MTOR: variants seen among roughly 807,000 people sequenced by gnomAD.
MTOR encodes the protein mechanistic target of rapamycin kinase.
A neutral mutation model predicts 319.8 loss-of-function variants in MTOR; 70 were observed. That is an observed-to-expected ratio of 0.22 (90% CI 0.18 to 0.27). The LOEUF is 0.27. Among genes scored for constraint, MTOR ranks in the 10% least tolerant of loss-of-function variants. The probability of loss-of-function intolerance (pLI) is 1.00; values close to 1 mark genes in which losing one functional copy is unlikely to be tolerated. For synonymous variants in MTOR, 1,183 were observed against 1,211.4 expected (o/e 0.98, Z 0.49); for missense variants, 1,890 against 3,274.4 (o/e 0.58, Z 10.32).
chr1:11,212,332 C>T lies in MTOR; in HGVS notation c.3541G>A (p.Val1181Ile), dbSNP rs1274311146. 1 of 1,613,684 alleles carries T rather than the reference C, an allele frequency of 6.2e-7. No individual in the cohort carries two copies. The highest frequency in any genetic ancestry group is 8.5e-7 in the Non-Finnish European group (1 of 1,179,868). The change falls in exon 23 of 58, where the codon GTT becomes ATT. Residue 1181 changes from valine to isoleucine, a missense_variant. Coordinates refer to ENST00000361445, the MANE Select transcript of MTOR (RefSeq NM_004958.4). The surrounding 1 kb of genome is among the most constrained non-coding windows in gnomAD (Gnocchi z 4.1). ...STAMDTLSSLVFQLGKKYQIF... is the reference protein window; with the variant it reads ...STAMDTLSSLIFQLGKKYQIF... The stretch of plus-strand genomic sequence containing the variant: ...CTTACCTTCTTCCCCAGCTGAAAAA[C>T]AAGTGAAGACAGCGTGTCCATGGCT...
chr1:11,109,472 G>T lies in MTOR; in HGVS notation c.7448-102C>A. On this transcript the variant is annotated intron_variant, in intron 55 of 57. Coordinates refer to ENST00000361445, the MANE Select transcript of MTOR (RefSeq NM_004958.4). The surrounding 1 kb of genome is among the most constrained non-coding windows in gnomAD (Gnocchi z 4.0). ...AAATATTCACTTTTGTAAGTGTTAA[G>T]CAATCCTTCCTCTATGTCCGTCTTT... 1 of 1,262,214 alleles carries T rather than the reference G, an allele frequency of 7.9e-7. No homozygotes were observed. Among genetic ancestry groups the T allele is most frequent in the Non-Finnish European group, 1.1e-6 (1 of 875,844 alleles). 78.2% of individuals were successfully genotyped at this position (1,262,214 alleles called of 1,614,324 possible).
At chr1:11,138,046 C>A (rs772453780) in intron 36 of MTOR, among the ~76,000 whole-genome samples, 7 of 152,160 alleles carry the variant, frequency 4.6e-5, no homozygotes, top group Admixed American at 1.3e-4. Flanking sequence ...AGAATTTGGG[C>A]TACTAAGAAA....
intron 18 of MTOR, 104 bp downstream of exon 18, chr1:11,230,821 T>A (rs1046072576): frequency 5.3e-6 from 8 of 1,496,236 alleles, no homozygotes; most frequent in Admixed American, 1.8e-5. Flanking sequence ...CGAGCCAATA[T>A]CCTATAATTT....
intron 29 of MTOR, among the ~76,000 whole-genome samples, chr1:11,163,896 A>T (rs2100594712): frequency 6.6e-6 from 1 of 152,318 alleles, no homozygotes; most frequent in African/African-American, 2.4e-5. Flanking sequence ...GAGCAAACAC[A>T]TTCAAAAGCT....
In MTOR at chr1:11,122,918, A is replaced by G. The variant is rs200168484; in HGVS notation, c.6663-792T>C. Among the ~76,000 whole-genome samples the G allele has an allele frequency of 1.4e-4, 21 of 152,362 alleles. No individual in the cohort carries two copies. The East Asian group carries it at 3.9e-3, about 28-fold the overall frequency. On this transcript the variant is annotated intron_variant, in intron 47 of 57. Transcript: ENST00000361445. The stretch of plus-strand genomic sequence containing the variant: ...CAGAAAGACAGTGCACTGATGGTGC[A>G]GTGAAAGCAACACAGGTCTCCTCAA...
chr1:11,227,837 T>C (rs1020258174), intron 19 of MTOR, among the ~76,000 whole-genome samples: 1 of 152,084 alleles, frequency 6.6e-6, no homozygotes, highest in African/African-American at 2.4e-5. Flanking sequence ...GGAAGGTAGC[T>C]GAGGAACAGG....
intron 28 of MTOR, among the ~76,000 whole-genome samples, chr1:11,170,962 C>T (rs113403789): frequency 0.03 from 4,589 of 151,702 alleles, 210 homozygotes; most frequent in Admixed American, 0.071. Flanking sequence ...AAACTGAGGC[C>T]GAGGTGGGTG....
chr1:11,171,056 G>A (rs985194118), intron 28 of MTOR, among the ~76,000 whole-genome samples: 27 of 151,044 alleles, frequency 1.8e-4, no homozygotes, highest in Admixed American at 2.6e-4. Context: ...TTAGCTGGGC[G>A]TGGTGGCGGG....
chr1:11,196,745 A>C (rs1388931414), intron 28 of MTOR, among the ~76,000 whole-genome samples: 1 of 151,890 alleles, frequency 6.6e-6, no homozygotes, highest in East Asian at 1.9e-4. Flanking sequence ...CCAGCTACTT[A>C]GGAAGCTGAG....
chr1:11,243,598 G>A lies in MTOR; in HGVS notation c.1226-298C>T, dbSNP rs540708814. Among the ~76,000 whole-genome samples, 5 of 151,682 alleles carry A rather than the reference G, an allele frequency of 3.3e-5. No homozygotes were observed. The South Asian group carries it at 1.0e-3, about 32-fold the overall frequency. On this transcript the variant is annotated intron_variant, in intron 8 of 57. Transcript: ENST00000361445. ...AGCTACTCGGGAGGCTGAGGCAGGA[G>A]GATCACTTGAGCCCAGATGGTTGAG...
chr1:11,147,140 C>G (rs1365020592), intron 31 of MTOR, among the ~76,000 whole-genome samples: 1 of 152,196 alleles, frequency 6.6e-6, no homozygotes, highest in Non-Finnish European at 1.5e-5. Flanking sequence ...CCAGGTGCAA[C>G]AAAATTGCTT....
At chr1:11,145,102 T>C in intron 32 of MTOR, 57 bp from the exon 33 acceptor site, 1 of 1,453,488 alleles carries the variant, frequency 6.9e-7, no homozygotes, top group South Asian at 1.2e-5. Context: ...TAGGGTTATT[T>C]TAGGGCACCC....
intron 16 of MTOR, 139 bp from the exon 17 acceptor site, chr1:11,231,573 G>C: frequency 1.9e-6 from 2 of 1,062,038 alleles, no homozygotes; most frequent in Non-Finnish European, 2.6e-6. Context: ...CACTAACCAT[G>C]AGCAGAAATC....
At chr1:11,255,520 T>C (rs1557494590) in intron 5 of MTOR, among the ~76,000 whole-genome samples, 1 of 151,850 alleles carries the variant, frequency 6.6e-6, no homozygotes, top group Non-Finnish European at 1.5e-5. Context: ...TTTAATAAAA[T>C]GCAATAAAGT....
intron 5 of MTOR, among the ~76,000 whole-genome samples, chr1:11,254,768 C>CTTT (rs1260367652): frequency 4.2e-5 from 6 of 142,028 alleles, no homozygotes; most frequent in African/African-American, 1.5e-4. Flanking sequence ...AAAGAGATGT[C>CTTT]TTTTTTTTTT....
chr1:11,142,027 A>T (rs1003959652), intron 34 of MTOR, among the ~76,000 whole-genome samples: 162 of 151,720 alleles, frequency 1.1e-3, no homozygotes, highest in Non-Finnish European at 1.9e-3. Flanking sequence ...ATAAATAAAT[A>T]AAATAAAATA....
Position 11,150,191 on chromosome 1 carries a change from G to A in MTOR, c.4505C>T (p.Thr1502Ile). 1 of 1,614,020 alleles carries A rather than the reference G, an allele frequency of 6.2e-7. No homozygotes were observed. Among genetic ancestry groups the A allele is most frequent in the Non-Finnish European group, 8.5e-7 (1 of 1,180,000 alleles). ...GGCTTGGGTCTCATCATTAACCAGG[G>A]TCCACTTTTCACAGCACTGCTGGTG... Reference protein sequence around the residue: ...QLHQQCCEKWTLVNDETQAKM... With the variant: ...QLHQQCCEKWILVNDETQAKM... The change falls in exon 31 of 58, where the codon ACC becomes ATC. Residue 1502 changes from threonine (T) to isoleucine (I), a missense_variant. Thr to Ile is a moderately conservative substitution (Grantham distance 89, BLOSUM62 -1). Coordinates refer to ENST00000361445, the MANE Select transcript of MTOR (RefSeq NM_004958.4).
intron 47 of MTOR, among the ~76,000 whole-genome samples, chr1:11,123,879 C>T (rs1036130348): frequency 6.6e-6 from 1 of 152,078 alleles, no homozygotes; most frequent in African/African-American, 2.4e-5. Flanking sequence ...CCTCCGCCTC[C>T]CAGGTTCAAG....
In MTOR at chr1:11,210,822, T is replaced by C. The variant is rs760415071; in HGVS notation, c.3646A>G (p.Ile1216Val). Residue 1216 changes from isoleucine (I) to valine (V), a missense_variant, in exon 24 of 58, where the codon ATT (isoleucine) becomes GTT (valine). By Grantham distance (29) the Ile-to-Val change is conservative. Around this residue, in one of 15 missense-constraint regions of MTOR, gnomAD observed 115 missense variants for 105.7 expected, o/e 1.09. Coordinates refer to ENST00000361445, the MANE Select transcript of MTOR (RefSeq NM_004958.4). ...HQRYDVLICR[I>V]VKGYTLADEE... ...AAAGAAGTATAGTTCACCTTGACAA[T>C]TCTGCAGATGAGCACATCATAGCGC... 49 of 1,609,622 alleles carry C rather than the reference T, an allele frequency of 3.0e-5. No individual in the cohort carries two copies. The Middle Eastern group carries it at 8.2e-4, about 27-fold the overall frequency.
Sources: allele counts gnomAD v4.1 joint callset (sites outside exome capture counted in the v4.1 genomes callset), GRCh38; gene constraint gnomAD v4.1.1; regional missense constraint gnomAD v4.1.1; non-coding constraint Gnocchi (gnomAD v3.1); transcripts MANE v1.5; gene names NCBI Gene and HGNC (gene_info 2026-07-23, HGNC 2026-07-21).